Variants in MAP2K6 observed in about 807,000 individuals in gnomAD.
The protein encoded by MAP2K6 is mitogen-activated protein kinase kinase 6, also known as dual specificity mitogen-activated protein kinase kinase 6.
MAP2K6 carries 16 observed loss-of-function variants against 53.7 expected under a neutral mutation model. The observed-to-expected ratio is 0.30, with a 90% CI of 0.20 to 0.45. MAP2K6 has a LOEUF of 0.45. Ranked by LOEUF, MAP2K6 falls within the 20% of genes least tolerant of loss-of-function variation. The pLI, the probability that MAP2K6 is intolerant of heterozygous loss-of-function variation, is 1.00. For missense variants in MAP2K6, 204 were observed against 411.9 expected, an observed-to-expected ratio of 0.50 and a Z score of 4.37; for synonymous variants, 132 against 143.1, an observed-to-expected ratio of 0.92 and a Z score of 0.55.
intron 1 of MAP2K6, chr17:69,477,208 A>G (rs1908182364): frequency 6.6e-6 from 1 of 152,280 alleles, no homozygotes; most frequent in South Asian, 2.1e-4. Flanking sequence ...GAAATAGGGA[A>G]GGAAGGAAAG....
chr17:69,426,852 C>T (rs531618702), intron 1 of MAP2K6, among the ~76,000 whole-genome samples: 122 of 151,488 alleles, frequency 8.1e-4, no homozygotes, highest in Non-Finnish European at 1.4e-3. Flanking sequence ...GCTTAAGAGA[C>T]CTTACTTGTG....
chr17:69,465,564 TGA>T (rs1907767317), intron 1 of MAP2K6, among the ~76,000 whole-genome samples: 1 of 151,834 alleles, frequency 6.6e-6, no homozygotes, highest in Non-Finnish European at 1.5e-5. Context: ...ATGGTAGAGG[TGA>T]CAAGGTAGGG....
At chr17:69,485,463 C>T (rs1908497525) in intron 1 of MAP2K6, 1 of 983,446 alleles carries the variant, frequency 1.0e-6, no homozygotes, top group Non-Finnish European at 1.2e-6. Flanking sequence ...TCCTCAGAAG[C>T]TTATACACTG....
rs779981765 is a variant in MAP2K6, at chr17:69,523,518, C to T, written c.540C>T (p.Val180=). The T allele has an allele frequency of 2.5e-6, 4 of 1,613,594 alleles. No individual in the cohort carries two copies. The African/African-American group carries it at 5.3e-5, about 22-fold the overall frequency. The change falls in exon 8 of 12, where the codon GTC becomes GTT. Residue 180 remains valine (V), a synonymous_variant. Transcript: ENST00000590474. ...HSKLSVIHRD[V]KPSNVLINAL... ...CCTGGTTGTTTTCGCTTTCAGACGT[C>T]AAGCCTTCTAATGTACTCATCAATG...
chr17:69,460,400 G>A (rs8080760), intron 1 of MAP2K6, among the ~76,000 whole-genome samples: 139,668 of 152,184 alleles, frequency 0.92, 64,631 homozygotes, highest in Non-Finnish European at 0.98. Context: ...GAGGTGTGAG[G>A]TTACCTGGTG....
At chr17:69,422,967 G>A (rs773376553) in intron 1 of MAP2K6, among the ~76,000 whole-genome samples, 1 of 152,000 alleles carries the variant, frequency 6.6e-6, no homozygotes, top group Non-Finnish European at 1.5e-5. Flanking sequence ...CACTGCAATC[G>A]CCACCTCCTG....
chr17:69,423,209 C>T (rs1406443981), intron 1 of MAP2K6, among the ~76,000 whole-genome samples: 1 of 151,922 alleles, frequency 6.6e-6, no homozygotes, highest in Non-Finnish European at 1.5e-5. Context: ...TAAGTATAGC[C>T]CGTGAGCGAA....
intron 1 of MAP2K6, among the ~76,000 whole-genome samples, chr17:69,420,460 G>A (rs951095940): frequency 5.3e-5 from 8 of 152,120 alleles, no homozygotes; most frequent in African/African-American, 1.9e-4. Flanking sequence ...GACCTCACAA[G>A]TCATATAAGT....
At chr17:69,424,340 C>A (rs1906194612) in intron 1 of MAP2K6, among the ~76,000 whole-genome samples, 1 of 152,198 alleles carries the variant, frequency 6.6e-6, no homozygotes, top group South Asian at 2.1e-4. Flanking sequence ...ATTTAAGTCA[C>A]GTACAAAGAA....
chr17:69,517,604 G>A lies in MAP2K6; in HGVS notation c.237G>A (p.Met79Ile). Residue 79 changes from methionine (M) to isoleucine (I), a missense_variant, in exon 4 of 12, where the codon ATG (methionine) becomes ATA (isoleucine). This residue lies in a region of MAP2K6 where 129 missense variants were observed against 247.1 expected (regional missense o/e 0.52). Coordinates refer to ENST00000590474, the MANE Select transcript of MAP2K6 (RefSeq NM_002758.4). ...GGCACGTGCCCAGCGGGCAGATCATGGCAGTGAAGGTAGAGTTGACATTCT... is the reference window on the plus strand; with the variant it reads ...GGCACGTGCCCAGCGGGCAGATCATAGCAGTGAAGGTAGAGTTGACATTCT... ...KMRHVPSGQI[M>I]AVKRIRATVN... 1 of 1,598,210 alleles carries A rather than the reference G, an allele frequency of 6.3e-7. No homozygotes were observed. The highest frequency in any genetic ancestry group is 1.1e-5 in the South Asian group (1 of 89,140).
chr17:69,483,019 A>G (rs1189428236), intron 1 of MAP2K6, among the ~76,000 whole-genome samples: 1 of 151,978 alleles, frequency 6.6e-6, no homozygotes, highest in Non-Finnish European at 1.5e-5. Flanking sequence ...AGTCAAAGCA[A>G]AAATCAGAGG....
At chr17:69,468,294 CAA>C (rs1464647033) in intron 1 of MAP2K6, among the ~76,000 whole-genome samples, 1 of 152,174 alleles carries the variant, frequency 6.6e-6, no homozygotes, top group Non-Finnish European at 1.5e-5. Context: ...TGTAATCTCT[CAA>C]TTAGTTTTCC....
intron 1 of MAP2K6, among the ~76,000 whole-genome samples, chr17:69,442,329 A>G (rs2145149393): frequency 6.6e-6 from 1 of 152,118 alleles, no homozygotes; most frequent in African/African-American, 2.4e-5. Context: ...ACCTCTCATG[A>G]TGGCAACTTC....
Position 69,489,220 on chromosome 17 carries a change from CAAAA to C in MAP2K6, c.17-16544_17-16541del, listed in dbSNP as rs58968517. On this transcript the variant is annotated intron_variant, in intron 1 of 11. Coordinates refer to ENST00000590474, the MANE Select transcript of MAP2K6 (RefSeq NM_002758.4). ...GGGCAACAAGAGTGAAACTCTGTCT[CAAAA>C]AAAAAAAAAAAAAAAGGAAAAAAGG... Among the ~76,000 whole-genome samples, 5 of 62,640 alleles carry C rather than the reference CAAAA, an allele frequency of 8.0e-5. No homozygotes were observed. The East Asian group carries it at 1.5e-3, about 19-fold the overall frequency. The allele number at this position is 62,640 out of a possible 152,430, so 41.1% of individuals were successfully genotyped here. A position where few individuals can be genotyped will look rare whatever the true frequency, so the allele number is the denominator to read the frequency against.
chr17:69,477,504 T>G (rs747457787), intron 1 of MAP2K6: 59 of 152,200 alleles, frequency 3.9e-4, no homozygotes, highest in African/African-American at 1.4e-3. Context: ...TGCACCTGTT[T>G]GGAAGTTGGT....
rs879408369 is a variant in MAP2K6, at chr17:69,553,857, A to G, written c.*12104A>G. ...TGTACAACCAATAAAAGACATTTTA[A>G]AAAGCGTAGTGAGTCTGTACATTAA... On this transcript the variant is annotated 3_prime_UTR_variant, in exon 12 of 12. Transcript: ENST00000590474. 4 of 152,240 alleles carry G rather than the reference A, an allele frequency of 2.6e-5. No homozygotes were observed. Among genetic ancestry groups the G allele is most frequent in the Admixed American group, 6.5e-5 (1 of 15,280 alleles). The allele number at this position is 152,240 out of a possible 1,614,324, so 9.4% of individuals were successfully genotyped here. A position where few individuals can be genotyped will look rare whatever the true frequency, so the allele number is the denominator to read the frequency against.
chr17:69,428,314 C>T (rs1906338674), intron 1 of MAP2K6, among the ~76,000 whole-genome samples: 1 of 152,228 alleles, frequency 6.6e-6, no homozygotes, highest in African/African-American at 2.4e-5. Flanking sequence ...TTTTGTGCTT[C>T]TTCCCTGGCT....
intron 1 of MAP2K6, among the ~76,000 whole-genome samples, chr17:69,449,323 T>C (rs1468355334): frequency 2.0e-5 from 3 of 151,756 alleles, no homozygotes; most frequent in Admixed American, 2.0e-4. Context: ...ATAGTTAATA[T>C]ATGTAAAGGC....
Position 69,414,893 on chromosome 17 carries a change from T to G in MAP2K6, c.-92T>G. 2 of 1,193,220 alleles carry G rather than the reference T, an allele frequency of 1.7e-6. No homozygotes were observed. The highest frequency in any genetic ancestry group is 1.3e-5 in the South Asian group (1 of 79,114). The allele number at this position is 1,193,220 out of a possible 1,614,324, so 73.9% of individuals were successfully genotyped here. A position where few individuals can be genotyped will look rare whatever the true frequency, so the allele number is the denominator to read the frequency against. The stretch of plus-strand genomic sequence containing the variant: ...TCCACTTGCATGAAGATTGCACGCC[T>G]GCAGCTTGCATCTTTGTTGCAAAAC... On this transcript the variant is annotated 5_prime_UTR_variant, in exon 1 of 12. Coordinates refer to ENST00000590474, the MANE Select transcript of MAP2K6 (RefSeq NM_002758.4).
Sources: allele counts gnomAD v4.1 joint callset (sites outside exome capture counted in the v4.1 genomes callset), GRCh38; gene constraint gnomAD v4.1.1; regional missense constraint gnomAD v4.1.1; transcripts MANE v1.5; gene names NCBI Gene and HGNC (gene_info 2026-07-23, HGNC 2026-07-21).